PATJ: variants seen among roughly 807,000 people sequenced by gnomAD.
PATJ encodes inaD-like protein.
Under a neutral mutation model 224.9 loss-of-function variants are expected in PATJ, and 190 were observed. The ratio of observed to expected loss-of-function variants is 0.84; its 90% CI spans 0.75 to 0.95. The LOEUF (loss-of-function observed/expected upper bound fraction) is 0.95, where lower values mean the gene tolerates loss of function less well. Ranked by LOEUF, PATJ falls within the 40% of genes least tolerant of loss-of-function variation. The pLI is 0.00. For missense variants in PATJ, 2,121 were observed against 2,270.3 expected, an observed-to-expected ratio of 0.93 and a Z score of 1.34; for synonymous variants, 769 against 820.3, an observed-to-expected ratio of 0.94 and a Z score of 1.07.
chr1:61,828,564 A>T (rs1013033991), intron 16 of PATJ, among the ~76,000 whole-genome samples: 8 of 151,470 alleles, frequency 5.3e-5, no homozygotes, highest in African/African-American at 1.7e-4. Context: ...TAACTAAAAA[A>T]TTTTTTTCGT....
chr1:61,976,753 A>G lies in PATJ; in HGVS notation c.3671-13415A>G, dbSNP rs74665917. Among the ~76,000 whole-genome samples, 989 of 152,186 alleles carry G rather than the reference A, an allele frequency of 6.5e-3. 5 individuals carry two copies. Among genetic ancestry groups the G allele is most frequent in the South Asian group, 0.013 (61 of 4,824 alleles). ...TGAAAATTTTCAAACATTTACCAACATAAAGAGAATAGTCAGCAAATTCTC... is the reference window on the plus strand; with the variant it reads ...TGAAAATTTTCAAACATTTACCAACGTAAAGAGAATAGTCAGCAAATTCTC... On this transcript the variant is annotated intron_variant, in intron 27 of 43. Transcript: ENST00000642238.
At chr1:62,083,677 TG>T in intron 32 of PATJ, among the ~76,000 whole-genome samples, 1 of 152,212 alleles carries the variant, frequency 6.6e-6, no homozygotes, top group East Asian at 1.9e-4. Flanking sequence ...TAATATATTT[TG>T]CTTTACTATA....
intron 39 of PATJ, among the ~76,000 whole-genome samples, chr1:62,123,969 T>C (rs1481750107): frequency 6.6e-6 from 1 of 152,176 alleles, no homozygotes; most frequent in African/African-American, 2.4e-5. Context: ...TTTATACATG[T>C]TGCTAAATTT....
chr1:62,087,174 C>T (rs919892901), intron 33 of PATJ, among the ~76,000 whole-genome samples: 5 of 151,906 alleles, frequency 3.3e-5, no homozygotes, highest in African/African-American at 9.7e-5. Flanking sequence ...TATTTAGCAA[C>T]GGAAGTGGCT....
chr1:61,874,621 T>C (rs1667109423), intron 20 of PATJ, among the ~76,000 whole-genome samples: 1 of 152,228 alleles, frequency 6.6e-6, no homozygotes, highest in Non-Finnish European at 1.5e-5. Context: ...GATTTTAACA[T>C]ATGAATTTGC....
chr1:61,997,309 T>C (rs1256438301), intron 28 of PATJ, among the ~76,000 whole-genome samples: 2 of 152,202 alleles, frequency 1.3e-5, no homozygotes, highest in Non-Finnish European at 2.9e-5. Context: ...CGTAAGATGA[T>C]CTGCAACCCG....
At chr1:61,875,610 T>G (rs1257046884) in intron 21 of PATJ, 1 of 330,476 alleles carries the variant, frequency 3.0e-6, no homozygotes, top group East Asian at 8.0e-5. Context: ...ATGTTGCATT[T>G]TATTAGCAGT....
At chr1:61,956,168 C>T (rs1234379316) in intron 27 of PATJ, among the ~76,000 whole-genome samples, 2 of 152,206 alleles carry the variant, frequency 1.3e-5, no homozygotes, top group African/African-American at 2.4e-5. Flanking sequence ...CACAAACTGA[C>T]TTATCTTCCA....
intron 43 of PATJ, among the ~76,000 whole-genome samples, chr1:62,159,000 T>C (rs1669578668): frequency 6.6e-6 from 1 of 152,174 alleles, no homozygotes; most frequent in South Asian, 2.1e-4. Context: ...ATAAATAGCT[T>C]AACATAGTTT....
intron 28 of PATJ, among the ~76,000 whole-genome samples, chr1:61,998,635 G>C (rs1393642294): frequency 6.6e-6 from 1 of 152,128 alleles, no homozygotes; most frequent in African/African-American, 2.4e-5. Context: ...TATTTTTTGA[G>C]CTTGTTCTTG....
intron 14 of PATJ, among the ~76,000 whole-genome samples, chr1:61,819,744 A>C (rs72674649): frequency 0.028 from 4,242 of 152,250 alleles, 94 homozygotes; most frequent in Middle Eastern, 0.068. Flanking sequence ...CTGAGAGGCA[A>C]TGCACAGTAG....
At chr1:61,801,808 T>G (rs779510386) in intron 12 of PATJ, 39 bp downstream of exon 12, 10 of 1,403,120 alleles carry the variant, frequency 7.1e-6, no homozygotes, top group Middle Eastern at 2.5e-4. Context: ...ACAGACTTCT[T>G]CATTTGTTAA....
At chr1:62,154,261 A>T (rs1434186819) in intron 43 of PATJ, among the ~76,000 whole-genome samples, 2 of 151,974 alleles carry the variant, frequency 1.3e-5, no homozygotes, top group African/African-American at 4.8e-5. Context: ...AATTTTGAAG[A>T]TCTCTGAGAA....
At chr1:62,158,415 C>T (rs1669464142) in intron 43 of PATJ, among the ~76,000 whole-genome samples, 1 of 147,144 alleles carries the variant, frequency 6.8e-6, no homozygotes, top group African/African-American at 2.4e-5. Flanking sequence ...GGTGGATCAC[C>T]TGAGGTCAAG....
chr1:62,079,507 G>A lies in PATJ; in HGVS notation c.4183G>A (p.Glu1395Lys). ...YPTKVSFSSQEIPLAPASSYH... is the reference protein window; with the variant it reads ...YPTKVSFSSQKIPLAPASSYH... ...AACAAAAGTCTCCTTCAGTTCACAAGAGATACCATTAGCACCAGCTTCATC... is the reference window on the plus strand; with the variant it reads ...AACAAAAGTCTCCTTCAGTTCACAAAAGATACCATTAGCACCAGCTTCATC... Residue 1395 changes from glutamate to lysine, a missense_variant, in exon 32 of 44, where the codon GAG (glutamate) becomes AAG (lysine). Physicochemically the swap from Glu to Lys is moderately conservative, Grantham distance 56 (BLOSUM62 1). Coordinates refer to ENST00000642238, the MANE Select transcript of PATJ (RefSeq NM_001350145.3). 6.2e-7 allele frequency: 1 copy of A among 1,613,984 alleles called. No homozygotes were observed. Among genetic ancestry groups the A allele is most frequent in the South Asian group, 1.1e-5 (1 of 91,060 alleles).
At chr1:61,817,785 G>A (rs1656450751) in intron 14 of PATJ, among the ~76,000 whole-genome samples, 2 of 152,294 alleles carry the variant, frequency 1.3e-5, no homozygotes, top group South Asian at 2.1e-4. Flanking sequence ...AGGCCATCAT[G>A]CTTGTGGTTT....
At chr1:61,835,324 G>A (rs1659996897) in intron 17 of PATJ, among the ~76,000 whole-genome samples, 1 of 152,110 alleles carries the variant, frequency 6.6e-6, no homozygotes, top group Non-Finnish European at 1.5e-5. Context: ...AGAACCACTA[G>A]GTGGTTAATA....
At chr1:62,074,397 TTAAAAA>T (rs1657958924) in intron 31 of PATJ, among the ~76,000 whole-genome samples, 1 of 152,066 alleles carries the variant, frequency 6.6e-6, no homozygotes, top group Admixed American at 6.6e-5. Flanking sequence ...AGAATGAACC[TTAAAAA>T]TAACCAAATT....
intron 27 of PATJ, among the ~76,000 whole-genome samples, chr1:61,945,059 A>G (rs932993720): frequency 2.6e-5 from 4 of 152,218 alleles, no homozygotes; most frequent in Non-Finnish European, 5.9e-5. Context: ...CCTGCCTTAC[A>G]AGAGCTCCTG....
Sources: allele counts gnomAD v4.1 joint callset (sites outside exome capture counted in the v4.1 genomes callset), GRCh38; gene constraint gnomAD v4.1.1; transcripts MANE v1.5; gene names NCBI Gene and HGNC (gene_info 2026-07-23, HGNC 2026-07-21).